The following PHACTR2 variants were observed in gnomAD, a reference collection of about 807,000 sequenced individuals.
PHACTR2 encodes the protein chromosome 6 open reading frame 56.
Under a neutral mutation model 76.0 loss-of-function variants are expected in PHACTR2, and 30 were observed. The ratio of observed to expected loss-of-function variants is 0.39; its 90% CI spans 0.30 to 0.54. The LOEUF (loss-of-function observed/expected upper bound fraction) is 0.54, where lower values mean the gene tolerates loss of function less well. Ranked by LOEUF, PHACTR2 falls within the 20% of genes least tolerant of loss-of-function variation. The pLI, the probability that PHACTR2 is intolerant of heterozygous loss-of-function variation, is 0.61. For synonymous variants in PHACTR2, 292 were observed against 292.5 expected (o/e 1.00, Z 0.02); for missense variants, 696 against 781.1 (o/e 0.89, Z 1.30).
intron 1 of PHACTR2, among the ~76,000 whole-genome samples, chr6:143,572,222 T>C (rs1775453457): frequency 6.6e-6 from 1 of 152,240 alleles, no homozygotes; most frequent in Admixed American, 6.5e-5. Flanking sequence ...AGCTCCTCAC[T>C]GGCTTGAATT....
Position 143,561,001 on chromosome 6 carries a change from G to C in PHACTR2, c.217+23794G>C, listed in dbSNP as rs986361366. 6.6e-6 allele frequency among the ~76,000 whole-genome samples: 1 copy of C among 151,648 alleles called. No individual in the cohort carries two copies. Among genetic ancestry groups the C allele is most frequent in the African/African-American group, 2.4e-5 (1 of 41,238 alleles). On this transcript the variant is annotated intron_variant, in intron 1 of 11. Coordinates refer to the PHACTR2 transcript ENST00000367584. This position sits in a 1 kb window ranked among gnomAD's most constrained non-coding sequence, Gnocchi z 4.1. ...AGGCTTAGAACCAGCAAGGACTCTG[G>C]GGGGCTTTAAGTAATAAACTGGCCA...
rs1371738539 is a variant in PHACTR2, at chr6:143,820,334, GA to G, written c.1923-3334del. The stretch of plus-strand genomic sequence containing the variant: ...AACTCAAAAGTTCAAAATCTCATCT[GA>G]AAAAAGGCAAATCCTTTCCACCTAT... On this transcript the variant is annotated intron_variant, in intron 12 of 12. Transcript: ENST00000440869. This position sits in a 1 kb window ranked among gnomAD's most constrained non-coding sequence, Gnocchi z 4.2. 6.6e-6 allele frequency among the ~76,000 whole-genome samples: 1 copy of G among 152,066 alleles called. No individual in the cohort carries two copies. Among genetic ancestry groups the G allele is most frequent in the Non-Finnish European group, 1.5e-5 (1 of 68,000 alleles).
At position 143,608,663 on chromosome 6, in the gene PHACTR2, A is replaced by T. The variant is rs1012338435; in HGVS notation, c.13+341A>T. On this transcript the variant is annotated intron_variant, in intron 1 of 11. Transcript: ENST00000305766. The surrounding 1 kb of genome is among the most constrained non-coding windows in gnomAD (Gnocchi z 4.6). ...AAAAACTATTACTAAGGGATGGCAC[A>T]AGGTAGATGGAATTAAGTTAATGAG... 3.9e-5 allele frequency among the ~76,000 whole-genome samples: 6 copies of T among 152,342 alleles called. No individual in the cohort carries two copies. The highest frequency in any genetic ancestry group is 1.2e-4 in the African/African-American group (5 of 41,572).
At position 143,583,912 on chromosome 6, in the gene PHACTR2, T is replaced by A. The variant is rs765825121; in HGVS notation, c.217+46705T>A. Among the ~76,000 whole-genome samples the A allele has an allele frequency of 6.6e-6, 1 of 152,212 alleles. No homozygotes were observed. Among genetic ancestry groups the A allele is most frequent in the Non-Finnish European group, 1.5e-5 (1 of 68,044 alleles). ...CTAGAGTGCTGGGACGGTGTCTTAT[T>A]TATCTCTACACTTTTTCTTCCTAGC... is the stretch of plus-strand genomic sequence containing the variant. On this transcript the variant is annotated intron_variant, in intron 1 of 11. Transcript: ENST00000367584. The surrounding 1 kb of genome is among the most constrained non-coding windows in gnomAD (Gnocchi z 4.0).
At chr6:143,667,291 T>C (rs1471153779) in intron 1 of PHACTR2, among the ~76,000 whole-genome samples, 1 of 152,208 alleles carries the variant, frequency 6.6e-6, no homozygotes, top group Non-Finnish European at 1.5e-5. Context: ...CCTTGTAGTA[T>C]AGTTTGAAGT....
rs1294162059 is a variant in PHACTR2, at chr6:143,550,228, A to G, written c.217+13021A>G. Among the ~76,000 whole-genome samples the G allele has an allele frequency of 1.3e-5, 2 of 152,086 alleles. No individual in the cohort carries two copies. The highest frequency in any genetic ancestry group is 2.9e-5 in the Non-Finnish European group (2 of 67,968). Reference sequence around the variant, plus strand: ...CCCGGGGATCTTGTTGAAATGCAGTAGGTTTTGAGTGGGAATTGAGCTTGT... The same window carrying G: ...CCCGGGGATCTTGTTGAAATGCAGTGGGTTTTGAGTGGGAATTGAGCTTGT... On this transcript the variant is annotated intron_variant, in intron 1 of 11. Coordinates refer to the PHACTR2 transcript ENST00000367584. This position sits in a 1 kb window ranked among gnomAD's most constrained non-coding sequence, Gnocchi z 4.8.
rs12211986 is a variant in PHACTR2, at chr6:143,592,881, T to C, written c.217+55674T>C. Among the ~76,000 whole-genome samples the C allele has an allele frequency of 0.053, 8,002 of 151,446 alleles. 302 individuals are homozygous for C. Among genetic ancestry groups the C allele is most frequent in the South Asian group, 0.1 (478 of 4,794 alleles). ...CTGCAAAATGGCGAAACCCTGTCTC[T>C]ACAAAAAATAAAAAAAAATAGCCGG... On this transcript the variant is annotated intron_variant, in intron 1 of 11. Transcript: ENST00000367584. This position sits in a 1 kb window ranked among gnomAD's most constrained non-coding sequence, Gnocchi z 4.0.
chr6:143,742,581 C>T lies in PHACTR2; in HGVS notation c.215-6404C>T, dbSNP rs1582831677. ...GCTCTGATTGGATAAGCCCAGGAGCCCAAGAGCCTTGTGCCCAGGGATGAG... is the reference window on the plus strand; with the variant it reads ...GCTCTGATTGGATAAGCCCAGGAGCTCAAGAGCCTTGTGCCCAGGGATGAG... On this transcript the variant is annotated intron_variant, in intron 2 of 12. Transcript: ENST00000440869. The surrounding 1 kb of genome is among the most constrained non-coding windows in gnomAD (Gnocchi z 4.5). 6.6e-6 allele frequency among the ~76,000 whole-genome samples: 1 copy of T among 152,270 alleles called. No homozygotes were observed. The highest frequency in any genetic ancestry group is 2.4e-5 in the African/African-American group (1 of 41,554).
At position 143,798,559 on chromosome 6, in the gene PHACTR2, T is replaced by G. The variant is rs146884349; in HGVS notation, c.1846-8498T>G. Reference sequence around the variant, plus strand: ...TTTGTCATAAACAGCTCTTATTATTTTGAGATACGTTCCATCGATACCTAG... The same window carrying G: ...TTTGTCATAAACAGCTCTTATTATTGTGAGATACGTTCCATCGATACCTAG... On this transcript the variant is annotated intron_variant, in intron 11 of 12. Transcript: ENST00000440869. Among the ~76,000 whole-genome samples, 9 of 152,318 alleles carry G rather than the reference T, an allele frequency of 5.9e-5. No individual in the cohort carries two copies. In the East Asian group the frequency reaches 1.5e-3, roughly 26 times the overall value.
In PHACTR2 at chr6:143,678,287, T is replaced by TAGTCGTCTGGTC. The variant is rs1777298926; in HGVS notation, c.46+79_46+90dup. 7.5e-7 allele frequency: 1 copy of TAGTCGTCTGGTC among 1,324,620 alleles called. No homozygotes were observed. The highest frequency in any genetic ancestry group is 1.6e-5 in the African/African-American group (1 of 63,702). 82.1% of individuals were successfully genotyped at this position (1,324,620 alleles called of 1,614,324 possible). On this transcript the variant is annotated intron_variant, in intron 1 of 12. Coordinates refer to ENST00000440869, the MANE Select transcript of PHACTR2 (RefSeq NM_001100164.2). This position sits in a 1 kb window ranked among gnomAD's most constrained non-coding sequence, Gnocchi z 6.2. ...GGCGGGGCCCCGGGGCAGGCAGGGT[T>TAGTCGTCTGGTC]AGTCGTCTGGTCGGGTTCCGCTCGG...
rs1437394566 is a variant in PHACTR2, at chr6:143,777,679, A to C, written c.1645+296A>C. On this transcript the variant is annotated intron_variant, in intron 9 of 12. Transcript: ENST00000440869. The surrounding 1 kb of genome is among the most constrained non-coding windows in gnomAD (Gnocchi z 4.6). ...CCATGTATTCTTTCACCCAAATATTAAATAGAAAAAGAATGCTCTAGTCTT... is the reference window on the plus strand; with the variant it reads ...CCATGTATTCTTTCACCCAAATATTCAATAGAAAAAGAATGCTCTAGTCTT... Among the ~76,000 whole-genome samples the C allele has an allele frequency of 6.6e-6, 1 of 152,210 alleles. No homozygotes were observed. Among genetic ancestry groups the C allele is most frequent in the Non-Finnish European group, 1.5e-5 (1 of 68,030 alleles).
In PHACTR2 at chr6:143,800,036, A is replaced by G. The variant is rs1048141311; in HGVS notation, c.1846-7021A>G. Reference sequence around the variant, plus strand: ...AGTCTAAGTTTCTTTGTAAGTCTCTAAGAACTTGCTTTATGAATCTGGTGC... The same window carrying G: ...AGTCTAAGTTTCTTTGTAAGTCTCTGAGAACTTGCTTTATGAATCTGGTGC... On this transcript the variant is annotated intron_variant, in intron 11 of 12. Coordinates refer to ENST00000440869, the MANE Select transcript of PHACTR2 (RefSeq NM_001100164.2). The surrounding 1 kb of genome is among the most constrained non-coding windows in gnomAD (Gnocchi z 4.8). 6.6e-6 allele frequency among the ~76,000 whole-genome samples: 1 copy of G among 152,140 alleles called. No homozygotes were observed. Among genetic ancestry groups the G allele is most frequent in the African/African-American group, 2.4e-5 (1 of 41,424 alleles).
chr6:143,718,914 G>A (rs933672792), intron 2 of PHACTR2, among the ~76,000 whole-genome samples: 6 of 138,212 alleles, frequency 4.3e-5, no homozygotes, highest in South Asian at 2.3e-4. Flanking sequence ...ACAGAGTCTC[G>A]CTCTGTCATC....
Position 143,583,393 on chromosome 6 carries a change from A to G in PHACTR2, c.217+46186A>G, listed in dbSNP as rs1322865262. On this transcript the variant is annotated intron_variant, in intron 1 of 11. Coordinates refer to the PHACTR2 transcript ENST00000367584. The surrounding 1 kb of genome is among the most constrained non-coding windows in gnomAD (Gnocchi z 4.0). ...ATATGATCCCTTTCTCACTTTTATG[A>G]TTGGTAAAAAATTGGTTTATCCTCT... Among the ~76,000 whole-genome samples the G allele has an allele frequency of 1.3e-5, 2 of 152,256 alleles. No homozygotes were observed. The highest frequency in any genetic ancestry group is 2.9e-5 in the Non-Finnish European group (2 of 68,042).
At chr6:143,545,215 G>A (rs1379637928) in intron 1 of PHACTR2, among the ~76,000 whole-genome samples, 1 of 152,178 alleles carries the variant, frequency 6.6e-6, no homozygotes, top group Non-Finnish European at 1.5e-5. Context: ...AAAGTGCTGG[G>A]ATTACAAGCA....
rs1420110647 is a variant in PHACTR2, at chr6:143,760,118, C to A, written c.455-283C>A. Among the ~76,000 whole-genome samples, 1 of 152,214 alleles carries A rather than the reference C, an allele frequency of 6.6e-6. No individual in the cohort carries two copies. The highest frequency in any genetic ancestry group is 2.4e-5 in the African/African-American group (1 of 41,436). On this transcript the variant is annotated intron_variant, in intron 4 of 12. Coordinates refer to ENST00000440869, the MANE Select transcript of PHACTR2 (RefSeq NM_001100164.2). The surrounding 1 kb of genome is among the most constrained non-coding windows in gnomAD (Gnocchi z 6.4). ...CAGATCCAAGGCTGGAACTGAGGCC[C>A]CTGACTGCAAACATTTACACACATC...
rs1476178575 is a variant in PHACTR2, at chr6:143,633,364, T to C, written c.13+25042T>C. On this transcript the variant is annotated intron_variant, in intron 1 of 11. Transcript: ENST00000305766. This position sits in a 1 kb window ranked among gnomAD's most constrained non-coding sequence, Gnocchi z 4.1. The stretch of plus-strand genomic sequence containing the variant: ...GCAATTCCCTATCGGCATATGATGC[T>C]GAACATCTTTTCATATGCTCACTTG... Among the ~76,000 whole-genome samples the C allele has an allele frequency of 6.6e-6, 1 of 152,352 alleles. No homozygotes were observed. Among genetic ancestry groups the C allele is most frequent in the Non-Finnish European group, 1.5e-5 (1 of 68,018 alleles).
chr6:143,655,637 C>T (rs1310811991), intron 1 of PHACTR2, among the ~76,000 whole-genome samples: 2 of 152,194 alleles, frequency 1.3e-5, no homozygotes, highest in Non-Finnish European at 2.9e-5. Flanking sequence ...CAAAGATTTA[C>T]AACTCTGTAC....
rs1006929554 is a variant in PHACTR2 at position 143,767,676 on chromosome 6, G to A, written c.1232+1878G>A. Among the ~76,000 whole-genome samples the A allele has an allele frequency of 2.0e-5, 3 of 152,164 alleles. No individual in the cohort carries two copies. Among genetic ancestry groups the A allele is most frequent in the African/African-American group, 7.2e-5 (3 of 41,440 alleles). ...CTTCTTTCCATGTCATCACATGGTG[G>A]AAGGTGGAAGGGCAGAGAGCACAAC... On this transcript the variant is annotated intron_variant, in intron 6 of 12. Coordinates refer to ENST00000440869, the MANE Select transcript of PHACTR2 (RefSeq NM_001100164.2). This position sits in a 1 kb window ranked among gnomAD's most constrained non-coding sequence, Gnocchi z 4.4.
Sources: allele counts gnomAD v4.1 joint callset (sites outside exome capture counted in the v4.1 genomes callset), GRCh38; gene constraint gnomAD v4.1.1; non-coding constraint Gnocchi (gnomAD v3.1); transcripts MANE v1.5; gene names NCBI Gene and HGNC (gene_info 2026-07-23, HGNC 2026-07-21).